The following TUT4 variants were observed in gnomAD, a reference collection of about 807,000 sequenced individuals.
The protein encoded by TUT4 is terminal uridylyl transferase 4.
Under a neutral mutation model 192.2 loss-of-function variants are expected in TUT4, and 36 were observed. The observed-to-expected ratio is 0.19, with a 90% CI of 0.14 to 0.25. TUT4 has a LOEUF of 0.25. TUT4 is among the 10% of genes least tolerant of loss of function. TUT4 has a pLI of 1.00. For missense variants in TUT4, 1,493 were observed against 1,957.2 expected, an observed-to-expected ratio of 0.76 and a Z score of 4.47; for synonymous variants, 618 against 666.0, an observed-to-expected ratio of 0.93 and a Z score of 1.11.
chr1:52,463,307 C>T (rs1663134903), intron 16 of TUT4: 1 of 991,382 alleles, frequency 1.0e-6, no homozygotes, highest in African/African-American at 1.7e-5. Context: ...GAAGGGCAGC[C>T]ACTTTCCAAG....
At chr1:52,540,001 G>A (rs1258921405) in intron 1 of TUT4, among the ~76,000 whole-genome samples, 1 of 151,052 alleles carries the variant, frequency 6.6e-6, no homozygotes, top group African/African-American at 2.4e-5. Flanking sequence ...GGCAGATCAC[G>A]AGGTCAGGAG....
chr1:52,442,608 C>T (rs970917), intron 24 of TUT4, among the ~76,000 whole-genome samples: 53,091 of 151,670 alleles, frequency 0.35, 12,860 homozygotes, highest in African/African-American at 0.7. Context: ...AAATGCTCCA[C>T]ATAAGCATTT....
intron 1 of TUT4, among the ~76,000 whole-genome samples, chr1:52,536,989 C>A (rs923437336): frequency 6.6e-6 from 1 of 151,994 alleles, no homozygotes; most frequent in Non-Finnish European, 1.5e-5. Context: ...CACGGTGAAA[C>A]CCCGTCTCTA....
In TUT4 at chr1:52,461,783, C is replaced by T; in HGVS notation, c.3070-14G>A. 3 of 1,318,240 alleles carry T rather than the reference C, an allele frequency of 2.3e-6. No individual in the cohort carries two copies. The East Asian group carries it at 7.5e-5, about 33-fold the overall frequency. 81.7% of individuals were successfully genotyped at this position (1,318,240 alleles called of 1,614,324 possible). On this transcript the variant is annotated splice_polypyrimidine_tract_variant and intron_variant, in intron 16 of 29. Transcript: ENST00000257177. Reference sequence around the variant, plus strand: ...ACAATTTAATTTCTAAAAAACAAATCAAATAAATAAGTTTGACTCAATTTC... The same window carrying T: ...ACAATTTAATTTCTAAAAAACAAATTAAATAAATAAGTTTGACTCAATTTC...
At position 52,475,400 on chromosome 1, in the gene TUT4, A is replaced by C; in HGVS notation, c.2159T>G (p.Val720Gly). The change falls in exon 13 of 30, where the codon GTG becomes GGG. Residue 720 changes from valine to glycine, a missense_variant. Around this residue, in one of 7 missense-constraint regions of TUT4, gnomAD observed 245 missense variants for 218.4 expected, o/e 1.12. Coordinates refer to ENST00000257177, the MANE Select transcript of TUT4 (RefSeq NM_001009881.3). ...CCCCTTCTCTCTTTTCTTGAAATCC[A>C]CTGTAGACTTATTTCCACCCTTCGT... ...PQTKGGNKST[V>G]DFKKREKGKI... The C allele has an allele frequency of 1.2e-6, 2 of 1,614,034 alleles. No individual in the cohort carries two copies. Among genetic ancestry groups the C allele is most frequent in the Non-Finnish European group, 1.7e-6 (2 of 1,180,020 alleles).
chr1:52,444,945 G>GTA (rs141693221), intron 24 of TUT4, among the ~76,000 whole-genome samples: 155 of 115,752 alleles, frequency 1.3e-3, no homozygotes, highest in African/African-American at 1.9e-3. Flanking sequence ...GTATATACAT[G>GTA]TATGTGTATA....
chr1:52,473,437 GGAAAA>G (rs1666299097), intron 13 of TUT4, among the ~76,000 whole-genome samples: 1 of 152,086 alleles, frequency 6.6e-6, no homozygotes, highest in Admixed American at 6.6e-5. Flanking sequence ...AACAACAAAA[GGAAAA>G]GAAGAGGAGG....
At chr1:52,499,698 C>T (rs1673554779) in intron 4 of TUT4, among the ~76,000 whole-genome samples, 1 of 152,008 alleles carries the variant, frequency 6.6e-6, no homozygotes, top group South Asian at 2.1e-4. Context: ...TGCACCACTG[C>T]AGTCCAGCTT....
intron 15 of TUT4, among the ~76,000 whole-genome samples, chr1:52,466,284 G>A (rs1056322909): frequency 6.6e-6 from 1 of 152,036 alleles, no homozygotes; most frequent in Non-Finnish European, 1.5e-5. Flanking sequence ...CAACCAATGT[G>A]GGAGGATCGT....
chr1:52,547,565 A>G (rs1688400158), intron 1 of TUT4, among the ~76,000 whole-genome samples: 1 of 152,192 alleles, frequency 6.6e-6, no homozygotes, highest in Non-Finnish European at 1.5e-5. Context: ...CCACACAAAA[A>G]CGTTTAACTA....
chr1:52,434,445 C>T (rs1345080121), intron 27 of TUT4: 1 of 152,120 alleles, frequency 6.6e-6, no homozygotes, highest in Non-Finnish European at 1.5e-5. Flanking sequence ...AATATTATGT[C>T]AGATTTAGAG....
chr1:52,467,105 A>C (rs1159116449), intron 15 of TUT4, among the ~76,000 whole-genome samples: 2 of 152,164 alleles, frequency 1.3e-5, no homozygotes. Context: ...TGATCATGCC[A>C]CTGCACTCCA....
Position 52,515,947 on chromosome 1 carries a change from C to G in TUT4, c.826G>C (p.Gly276Arg). 1 of 1,613,518 alleles carries G rather than the reference C, an allele frequency of 6.2e-7. No homozygotes were observed. The highest frequency in any genetic ancestry group is 8.5e-7 in the Non-Finnish European group (1 of 1,179,900). Reference sequence around the variant, plus strand: ...AAGCGTTCTTCTGCTTGTTTCAACCCCAGCCTCTGCTCAGGTGTCAATGCA... The same window carrying G: ...AAGCGTTCTTCTGCTTGTTTCAACCGCAGCCTCTGCTCAGGTGTCAATGCA... ...ESALTPEQRL[G>R]LKQAEERLER... Residue 276 changes from glycine to arginine, a missense_variant, in exon 3 of 30, where the codon GGG becomes CGG. Coordinates refer to ENST00000257177, the MANE Select transcript of TUT4 (RefSeq NM_001009881.3).
rs1665936102 is a variant in TUT4, at chr1:52,472,137, A to G, written c.2728-35T>C. The G allele has an allele frequency of 3.8e-6, 6 of 1,594,916 alleles. No individual in the cohort carries two copies. The East Asian group carries it at 1.4e-4, about 36-fold the overall frequency. On this transcript the variant is annotated intron_variant, in intron 13 of 29. Transcript: ENST00000257177. ...GATAAAAAGAAATCTAATCTAATAAACTTTTGAGGGACTTCATCACTTAGG... is the reference window on the plus strand; with the variant it reads ...GATAAAAAGAAATCTAATCTAATAAGCTTTTGAGGGACTTCATCACTTAGG...
intron 11 of TUT4, 80 bp from the exon 12 acceptor site, chr1:52,477,962 G>C: frequency 7.5e-7 from 1 of 1,331,422 alleles, no homozygotes; most frequent in Non-Finnish European, 1.0e-6. Context: ...GAAGACCTTG[G>C]AGATCACGTT....
rs748081685 is a variant in TUT4 at position 52,475,148 on chromosome 1, T to C, written c.2411A>G (p.Lys804Arg). The C allele has an allele frequency of 2.5e-6, 4 of 1,614,180 alleles. No individual in the cohort carries two copies. Among genetic ancestry groups the C allele is most frequent in the South Asian group, 2.2e-5 (2 of 91,084 alleles). ...GQDSSSLSTS[K>R]SSEIEPKLDK... Reference sequence around the variant, plus strand: ...TAATTTTGGCTCTATTTCACTGCTTTTGCTGGTAGAAAGAGATGAAGAGTC... The same window carrying C: ...TAATTTTGGCTCTATTTCACTGCTTCTGCTGGTAGAAAGAGATGAAGAGTC... Residue 804 changes from lysine (K) to arginine (R), a missense_variant, in exon 13 of 30, where the codon AAA becomes AGA. Lys to Arg is a conservative substitution (Grantham distance 26). Around this residue, in one of 7 missense-constraint regions of TUT4, gnomAD observed 245 missense variants for 218.4 expected, o/e 1.12. Transcript: ENST00000257177.
chr1:52,450,379 C>T (rs557463530), intron 20 of TUT4, among the ~76,000 whole-genome samples: 1 of 152,072 alleles, frequency 6.6e-6, no homozygotes. Context: ...CAAAGTCCCC[C>T]GAAATCAAAC....
chr1:52,511,073 T>C (rs769768335), intron 3 of TUT4, among the ~76,000 whole-genome samples: 4 of 152,236 alleles, frequency 2.6e-5, no homozygotes, highest in Non-Finnish European at 5.9e-5. Context: ...ATAATTTCTT[T>C]TAAATGAGAA....
At chr1:52,483,522 T>C (rs1375228764) in intron 9 of TUT4, among the ~76,000 whole-genome samples, 3 of 152,128 alleles carry the variant, frequency 2.0e-5, no homozygotes, top group Non-Finnish European at 4.4e-5. Context: ...ACTGAAAATA[T>C]TTTTTAGGCC....
Sources: gnomAD v4.1 joint callset for allele counts (sites outside exome capture counted in the v4.1 genomes callset) on GRCh38, gnomAD v4.1.1 for gene constraint, gnomAD v4.1.1 regional missense constraint, MANE v1.5 for transcripts, NCBI Gene and HGNC (gene_info 2026-07-23, HGNC 2026-07-21) for gene names.